Variants in CNTN2 observed in about 807,000 individuals in gnomAD.
The protein encoded by CNTN2 is contactin-2.
A neutral mutation model predicts 117.5 loss-of-function variants in CNTN2; 53 were observed. The observed-to-expected ratio is 0.45, with a 90% CI of 0.36 to 0.57. The LOEUF is 0.57. Ranked by LOEUF, CNTN2 falls within the 20% of genes least tolerant of loss-of-function variation. CNTN2 has a pLI of 0.00. For missense variants in CNTN2, 1,106 were observed against 1,404.3 expected, an observed-to-expected ratio of 0.79 and a Z score of 3.39; for synonymous variants, 530 against 561.7, an observed-to-expected ratio of 0.94 and a Z score of 0.80.
At chr1:205,070,134 G>A (rs1344012023) in intron 18 of CNTN2, 73 bp downstream of exon 18, 2 of 1,419,982 alleles carry the variant, frequency 1.4e-6, no homozygotes, top group South Asian at 1.2e-5. Context: ...GTGGGGGAAC[G>A]CTACTCATCT....
At chr1:205,050,278 AGTGTGTGTGTGT>A (rs3073631) in intron 1 of CNTN2, among the ~76,000 whole-genome samples, 13 of 145,390 alleles carry the variant, frequency 8.9e-5, no homozygotes, top group South Asian at 2.3e-4. Context: ...TAGAGCTCTG[AGTGTGTGTGTGT>A]GTGTGTGTGT....
chr1:205,073,775 C>T lies in CNTN2; in HGVS notation c.*10C>T. The T allele has an allele frequency of 6.2e-7, 1 of 1,609,440 alleles. No homozygotes were observed. Among genetic ancestry groups the T allele is most frequent in the Non-Finnish European group, 8.5e-7 (1 of 1,176,712 alleles). On this transcript the variant is annotated 3_prime_UTR_variant, in exon 23 of 23. Transcript: ENST00000331830. The surrounding 1 kb of genome is among the most constrained non-coding windows in gnomAD (Gnocchi z 6.3). ...CTCCCTGGAGCTCTGATCCTGGAAC[C>T]CCTCCCTCTGCGCCGCAGCTGGACG...
In CNTN2 at chr1:205,073,905, TG is replaced by T. The variant is rs1329342608; in HGVS notation, c.*141del. The T allele has an allele frequency of 1.5e-6, 1 of 657,628 alleles. No homozygotes were observed. The highest frequency in any genetic ancestry group is 2.7e-6 in the Non-Finnish European group (1 of 373,636). The allele number at this position is 657,628 out of a possible 1,614,324, so 40.7% of individuals were successfully genotyped here. A position where few individuals can be genotyped will look rare whatever the true frequency, so the allele number is the denominator to read the frequency against. On this transcript the variant is annotated 3_prime_UTR_variant, in exon 23 of 23. Coordinates refer to ENST00000331830, the MANE Select transcript of CNTN2 (RefSeq NM_005076.5). This position sits in a 1 kb window ranked among gnomAD's most constrained non-coding sequence, Gnocchi z 6.3. The stretch of plus-strand genomic sequence containing the variant: ...TACCTACTTTAAACAGTGCCCTTTT[TG>T]TAGGAGGTAGGATATTTTATATTCT...
At position 205,070,157 on chromosome 1, in the gene CNTN2, C is replaced by G. The variant is rs1654516799; in HGVS notation, c.2431+96C>G. ...ACGCTACTCATCTCCCAGCTCAGTT[C>G]CATAGGAGGAGGTTGAGAGGACACC... On this transcript the variant is annotated intron_variant, in intron 18 of 22. Coordinates refer to ENST00000331830, the MANE Select transcript of CNTN2 (RefSeq NM_005076.5). 4.0e-6 allele frequency: 5 copies of G among 1,252,430 alleles called. No homozygotes were observed. In the Admixed American group the frequency reaches 8.0e-5, roughly 20 times the overall value. The allele number at this position is 1,252,430 out of a possible 1,614,324, so 77.6% of individuals were successfully genotyped here. A position where few individuals can be genotyped will look rare whatever the true frequency, so the allele number is the denominator to read the frequency against.
chr1:205,069,774 G>C lies in CNTN2; in HGVS notation c.2197-53G>C, dbSNP rs778716450. On this transcript the variant is annotated intron_variant, in intron 17 of 22. Coordinates refer to ENST00000331830, the MANE Select transcript of CNTN2 (RefSeq NM_005076.5). ...CAAAGGTTGGGTGGGGCCAGGGAAC[G>C]GGCAGGGACACATGCCGCGGACCCT... 2.5e-5 allele frequency: 39 copies of C among 1,569,920 alleles called. No individual in the cohort carries two copies. In the Admixed American group the frequency reaches 6.6e-4, roughly 26 times the overall value.
In CNTN2 at chr1:205,073,297, G is replaced by A; in HGVS notation, c.3013+61G>A. On this transcript the variant is annotated intron_variant, in intron 22 of 22. Coordinates refer to ENST00000331830, the MANE Select transcript of CNTN2 (RefSeq NM_005076.5). The surrounding 1 kb of genome is among the most constrained non-coding windows in gnomAD (Gnocchi z 6.3). ...ATTCAGGATCCACCCAGATACCTGAGAGGATCATTCCCACCCAGGCCAACT... is the reference window on the plus strand; with the variant it reads ...ATTCAGGATCCACCCAGATACCTGAAAGGATCATTCCCACCCAGGCCAACT... The A allele has an allele frequency of 6.3e-6, 10 of 1,577,326 alleles. No homozygotes were observed. Among genetic ancestry groups the A allele is most frequent in the Non-Finnish European group, 8.7e-6 (10 of 1,155,510 alleles).
chr1:205,072,107 C>G lies in CNTN2; in HGVS notation c.2705C>G (p.Ser902Cys), dbSNP rs1654625255. ...GCTGGCACTGGGCCTGCCAGCCCTTCTGCCAACGCCACGACCATGAAGCCC... is the reference window on the plus strand; with the variant it reads ...GCTGGCACTGGGCCTGCCAGCCCTTGTGCCAACGCCACGACCATGAAGCCC... The part of the protein sequence containing the change: ...NRAGTGPASP[S>C]ANATTMKPPP... Residue 902 changes from serine (S) to cysteine (C), a missense_variant, in exon 20 of 23, where the codon TCT becomes TGT. Physicochemically the swap from Ser to Cys is moderately radical, Grantham distance 112 (BLOSUM62 -1). Transcript: ENST00000331830. 1 of 1,612,468 alleles carries G rather than the reference C, an allele frequency of 6.2e-7. No individual in the cohort carries two copies. Among genetic ancestry groups the G allele is most frequent in the Non-Finnish European group, 8.5e-7 (1 of 1,179,542 alleles).
Position 205,059,404 on chromosome 1 carries a change from C to T in CNTN2, c.697+111C>T, listed in dbSNP as rs1450297380. The T allele has an allele frequency of 2.2e-5, 28 of 1,246,522 alleles. No homozygotes were observed. Among genetic ancestry groups the T allele is most frequent in the Non-Finnish European group, 3.1e-5 (27 of 880,190 alleles). 77.2% of individuals were successfully genotyped at this position (1,246,522 alleles called of 1,614,324 possible). A position where few individuals can be genotyped will look rare whatever the true frequency, so the allele number is the denominator to read the frequency against. ...AAGATCAGCTTGCAGGGCACTGATT[C>T]CAGGCCCTGGACCCCCAGATCCTCC... On this transcript the variant is annotated intron_variant, in intron 6 of 22. Coordinates refer to ENST00000331830, the MANE Select transcript of CNTN2 (RefSeq NM_005076.5). This position sits in a 1 kb window ranked among gnomAD's most constrained non-coding sequence, Gnocchi z 5.6.
intron 2 of CNTN2, among the ~76,000 whole-genome samples, chr1:205,055,685 G>A (rs2096459827): frequency 6.6e-6 from 1 of 152,190 alleles, no homozygotes; most frequent in Non-Finnish European, 1.5e-5. Flanking sequence ...GGTTAAGAAT[G>A]CTTGTGGTGG....
intron 1 of CNTN2, among the ~76,000 whole-genome samples, chr1:205,049,580 A>G (rs1296261451): frequency 2.6e-5 from 4 of 152,276 alleles, no homozygotes; most frequent in Non-Finnish European, 5.9e-5. Flanking sequence ...TGGAGTCTCC[A>G]GCCCCTGGTT....
rs377129686 is a variant in CNTN2 at position 205,061,824 on chromosome 1, C to T, written c.974-41C>T. On this transcript the variant is annotated intron_variant, in intron 8 of 22. Coordinates refer to ENST00000331830, the MANE Select transcript of CNTN2 (RefSeq NM_005076.5). The surrounding 1 kb of genome is among the most constrained non-coding windows in gnomAD (Gnocchi z 4.8). Reference sequence around the variant, plus strand: ...GTTCCTTTTAATGAGCTGGAAGCTCCTCCTAGCTCATGCCAGGTTTTCTTT... The same window carrying T: ...GTTCCTTTTAATGAGCTGGAAGCTCTTCCTAGCTCATGCCAGGTTTTCTTT... 5.7e-5 allele frequency: 86 copies of T among 1,501,594 alleles called. No individual in the cohort carries two copies. The African/African-American group carries it at 9.0e-4, about 16-fold the overall frequency. The allele number at this position is 1,501,594 out of a possible 1,614,324, so 93.0% of individuals were successfully genotyped here.
At chr1:205,051,278 G>C (rs1343362490) in intron 1 of CNTN2, among the ~76,000 whole-genome samples, 3 of 152,198 alleles carry the variant, frequency 2.0e-5, no homozygotes, top group African/African-American at 7.2e-5. Context: ...CTACAGGCAG[G>C]GTACCAAAGC....
chr1:205,061,279 G>A lies in CNTN2; in HGVS notation c.832G>A (p.Gly278Ser), dbSNP rs749805717. The A allele has an allele frequency of 1.1e-5, 18 of 1,613,416 alleles. No homozygotes were observed. Among genetic ancestry groups the A allele is most frequent in the African/African-American group, 5.3e-5 (4 of 74,906 alleles). Residue 278 changes from glycine (G) to serine (S), a missense_variant, in exon 8 of 23, where the codon GGC (glycine) becomes AGC (serine). Gly to Ser is a moderately conservative substitution (Grantham distance 56, BLOSUM62 0). Coordinates refer to ENST00000331830, the MANE Select transcript of CNTN2 (RefSeq NM_005076.5). This position sits in a 1 kb window ranked among gnomAD's most constrained non-coding sequence, Gnocchi z 4.8. ...VPRIKWRKVD[G>S]SLSPQWTTAE... ...CCGGATCAAGTGGCGCAAAGTGGAC[G>A]GCTCCCTGTCCCCGCAGTGGACCAC...
chr1:205,065,727 G>A lies in CNTN2; in HGVS notation c.1696-62G>A. 11 of 1,612,354 alleles carry A rather than the reference G, an allele frequency of 6.8e-6. No individual in the cohort carries two copies. The highest frequency in any genetic ancestry group is 9.3e-6 in the Non-Finnish European group (11 of 1,179,594). ...CCCAAGCGCTGCCTCATGTCTCATG[G>A]CCTGCTGCACTGGTCAGGGCCGGTG... On this transcript the variant is annotated intron_variant, in intron 13 of 22. Transcript: ENST00000331830. The surrounding 1 kb of genome is among the most constrained non-coding windows in gnomAD (Gnocchi z 4.1).
rs115876348 is a variant in CNTN2, at chr1:205,048,300, C to T, written c.-86-4800C>T. 0.029 allele frequency among the ~76,000 whole-genome samples: 4,476 copies of T among 152,168 alleles called. 92 individuals are homozygous for T. The highest frequency in any genetic ancestry group is 0.058 in the Middle Eastern group (17 of 294). On this transcript the variant is annotated intron_variant, in intron 1 of 22. Transcript: ENST00000331830. This position sits in a 1 kb window ranked among gnomAD's most constrained non-coding sequence, Gnocchi z 4.1. ...CTTTTATTTTTTGACTGGCTCCATG[C>T]GGGGGGCCTTATCCCAGAAAACCTT... is the stretch of plus-strand genomic sequence containing the variant.
intron 15 of CNTN2, 75 bp from the exon 16 acceptor site, chr1:205,067,026 T>C (rs1360147024): frequency 1.3e-6 from 2 of 1,522,434 alleles, no homozygotes; most frequent in Admixed American, 4.0e-5. Flanking sequence ...TAAGGGGTGA[T>C]TCAGGCCAGT....
intron 16 of CNTN2, chr1:205,067,481 T>C: frequency 2.3e-6 from 1 of 432,508 alleles, no homozygotes; most frequent in Non-Finnish European, 4.0e-6. Flanking sequence ...TACAACTGCA[T>C]GTGCATCTAT....
chr1:205,057,087 A>C (rs1454497983), intron 2 of CNTN2: 1 of 152,232 alleles, frequency 6.6e-6, no homozygotes, highest in African/African-American at 2.4e-5. Context: ...CCCACCCCAC[A>C]TGTGGCTCCA....
rs1410301747 is a variant in CNTN2 at position 205,070,675 on chromosome 1, G to A, written c.2544+137G>A. On this transcript the variant is annotated intron_variant, in intron 19 of 22. Transcript: ENST00000331830. ...ATGGCAAACTGAGCATCCAGTCTGT[G>A]TAGCACTGTGAATGCAAATTTCACT... is the stretch of plus-strand genomic sequence containing the variant. The A allele has an allele frequency of 1.7e-5, 11 of 629,738 alleles. No individual in the cohort carries two copies. In the East Asian group the frequency reaches 2.3e-4, roughly 13 times the overall value. 39.0% of individuals were successfully genotyped at this position (629,738 alleles called of 1,614,324 possible).
Sources: gnomAD v4.1 joint callset for allele counts (sites outside exome capture counted in the v4.1 genomes callset) on GRCh38, gnomAD v4.1.1 for gene constraint, Gnocchi (gnomAD v3.1) non-coding constraint, MANE v1.5 for transcripts, NCBI Gene and HGNC (gene_info 2026-07-23, HGNC 2026-07-21) for gene names.